The following VOPP1 variants were observed in gnomAD, a reference collection of about 807,000 sequenced individuals.
VOPP1 encodes VOPP1 WW domain binding protein.
In VOPP1, 8 loss-of-function variants were observed where a neutral mutation model predicts 23.5. That is an observed-to-expected ratio of 0.34 (90% CI 0.20 to 0.61). The LOEUF is 0.61. VOPP1 is among the 20% of genes least tolerant of loss of function. The pLI is 0.78. For synonymous variants in VOPP1, 83 were observed against 97.3 expected, an observed-to-expected ratio of 0.85 and a Z score of 0.86; for missense variants, 174 against 238.1, an observed-to-expected ratio of 0.73 and a Z score of 1.77.
At chr7:55,561,001 G>A (rs759701485) in intron 1 of VOPP1, among the ~76,000 whole-genome samples, 1 of 152,100 alleles carries the variant, frequency 6.6e-6, no homozygotes, top group Non-Finnish European at 1.5e-5. Flanking sequence ...CTGCTTCCAT[G>A]CTGCTTAGGG....
intron 1 of VOPP1, among the ~76,000 whole-genome samples, chr7:55,568,048 C>G (rs955147928): frequency 1.3e-5 from 2 of 151,250 alleles, no homozygotes; most frequent in Non-Finnish European, 2.9e-5. Context: ...AGATAATGTC[C>G]ACTTTGCAAC....
intron 4 of VOPP1, among the ~76,000 whole-genome samples, chr7:55,456,763 C>G (rs1791377111): frequency 6.6e-6 from 1 of 151,982 alleles, no homozygotes; most frequent in South Asian, 2.1e-4. Flanking sequence ...AACACATGGA[C>G]ACAGGGAGGG....
chr7:55,567,945 A>G (rs931518021), intron 1 of VOPP1, among the ~76,000 whole-genome samples: 6 of 152,184 alleles, frequency 3.9e-5, no homozygotes, highest in African/African-American at 1.4e-4. Context: ...ACTCTTAAAC[A>G]TAACTCAGTT....
intron 4 of VOPP1, among the ~76,000 whole-genome samples, chr7:55,490,408 C>A (rs1393809014): frequency 6.6e-6 from 1 of 152,116 alleles, no homozygotes; most frequent in Non-Finnish European, 1.5e-5. Flanking sequence ...GGGATGCATT[C>A]TCTTCTCAAA....
chr7:55,490,162 T>C (rs1355838581), intron 4 of VOPP1, among the ~76,000 whole-genome samples: 1 of 151,908 alleles, frequency 6.6e-6, no homozygotes, highest in East Asian at 1.9e-4. Context: ...CGCAGAAAAA[T>C]AGCACGGCCG....
At chr7:55,526,028 T>G (rs1796172950) in intron 1 of VOPP1, among the ~76,000 whole-genome samples, 1 of 152,226 alleles carries the variant, frequency 6.6e-6, no homozygotes, top group African/African-American at 2.4e-5. Flanking sequence ...GATGTTGTCC[T>G]GGGCTCTGGG....
At chr7:55,461,924 T>A (rs1358883959) in intron 4 of VOPP1, among the ~76,000 whole-genome samples, 2 of 152,348 alleles carry the variant, frequency 1.3e-5, no homozygotes, top group East Asian at 3.9e-4. Context: ...TTTTCTCATT[T>A]GTATCTGCTC....
chr7:55,561,910 G>A, intron 1 of VOPP1: 1 of 702,268 alleles, frequency 1.4e-6, no homozygotes, highest in Non-Finnish European at 2.6e-6. Flanking sequence ...TTCAAGTATG[G>A]TGGGAGTTGA....
intron 1 of VOPP1, among the ~76,000 whole-genome samples, chr7:55,568,081 C>CTTTTTTT (rs60284804): frequency 8.1e-6 from 1 of 124,040 alleles, no homozygotes. Context: ...ACAACTATTC[C>CTTTTTTT]TTTTTTTTTT....
At chr7:55,501,795 G>A (rs952553425) in intron 2 of VOPP1, among the ~76,000 whole-genome samples, 1 of 152,048 alleles carries the variant, frequency 6.6e-6, no homozygotes, top group African/African-American at 2.4e-5. Flanking sequence ...CTGCAGCTTA[G>A]GGGGAACTGG....
At chr7:55,524,412 AGT>A (rs1477777249) in intron 1 of VOPP1, among the ~76,000 whole-genome samples, 1 of 152,332 alleles carries the variant, frequency 6.6e-6, no homozygotes, top group Non-Finnish European at 1.5e-5. Flanking sequence ...TGCTGAAATT[AGT>A]GTGTTTGAAA....
At chr7:55,545,650 A>C (rs1377272764) in intron 1 of VOPP1, among the ~76,000 whole-genome samples, 1 of 151,970 alleles carries the variant, frequency 6.6e-6, no homozygotes, top group Non-Finnish European at 1.5e-5. Flanking sequence ...TTACACATCC[A>C]CCGGGACTCA....
At chr7:55,520,794 C>T (rs1795791316) in intron 2 of VOPP1, among the ~76,000 whole-genome samples, 1 of 152,234 alleles carries the variant, frequency 6.6e-6, no homozygotes, top group Non-Finnish European at 1.5e-5. Context: ...CTTTTGCCTT[C>T]CACAGACATC....
At chr7:55,559,077 A>C (rs1797900865) in intron 1 of VOPP1, among the ~76,000 whole-genome samples, 1 of 152,196 alleles carries the variant, frequency 6.6e-6, no homozygotes, top group Admixed American at 6.5e-5. Context: ...AGTGGATAGT[A>C]ACGGTTTTTT....
At chr7:55,467,230 C>G (rs1791655252), downstream of VOPP1, among the ~76,000 whole-genome samples, 1 of 152,212 alleles carries the variant, frequency 6.6e-6, no homozygotes, top group African/African-American at 2.4e-5. Context: ...GGTTGAGAAC[C>G]CCTGACGTAA....
chr7:55,532,550 A>C (rs989315077), intron 1 of VOPP1, among the ~76,000 whole-genome samples: 3 of 152,264 alleles, frequency 2.0e-5, no homozygotes, highest in African/African-American at 7.2e-5. Context: ...ATGGAGAGTG[A>C]GAATATGGAA....
rs182754296 is a variant in VOPP1, at chr7:55,502,767, G to A, written c.114-5077C>T. 3.9e-5 allele frequency among the ~76,000 whole-genome samples: 6 copies of A among 152,334 alleles called. No homozygotes were observed. In the East Asian group the frequency reaches 9.6e-4, roughly 24 times the overall value. ...ATGCATCAAGTCAAATACTCCTACT[G>A]CCCTAAGCCTCAGAATGGCAATGCT... On this transcript the variant is annotated intron_variant, in intron 2 of 4. Transcript: ENST00000285279.
At chr7:55,504,872 C>T (rs1038173075) in intron 2 of VOPP1, among the ~76,000 whole-genome samples, 1 of 152,226 alleles carries the variant, frequency 6.6e-6, no homozygotes, top group Non-Finnish European at 1.5e-5. Context: ...CAGGATTAAC[C>T]TTTTTAACAA....
intron 4 of VOPP1, among the ~76,000 whole-genome samples, chr7:55,475,509 TAC>T (rs1792173411): frequency 1.3e-5 from 2 of 152,060 alleles, no homozygotes; most frequent in Admixed American, 1.3e-4. Context: ...AGCAGTGCGT[TAC>T]AGTCACAGAT....
Sources: gnomAD v4.1 joint callset for allele counts (sites outside exome capture counted in the v4.1 genomes callset) on GRCh38, gnomAD v4.1.1 for gene constraint, MANE v1.5 for transcripts, NCBI Gene and HGNC (gene_info 2026-07-23, HGNC 2026-07-21) for gene names.